The following PROS1 variants were observed in gnomAD, a reference collection of about 807,000 sequenced individuals.
The protein encoded by PROS1 is protein S.
A neutral mutation model predicts 75.9 loss-of-function variants in PROS1; 29 were observed. The ratio of observed to expected loss-of-function variants is 0.38; its 90% confidence interval spans 0.28 to 0.52. PROS1 has a LOEUF of 0.52. PROS1 is among the 20% of genes least tolerant of loss of function. The pLI is 0.83. For synonymous variants in PROS1, 245 were observed against 280.6 expected (o/e 0.87, Z 1.27); for missense variants, 680 against 810.3 (o/e 0.84, Z 1.95).
At chr3:93,930,884 T>G (rs1452867983) in intron 1 of PROS1, among the ~76,000 whole-genome samples, 1 of 152,212 alleles carries the variant, frequency 6.6e-6, no homozygotes. Context: ...GTTTATTGTC[T>G]GCTGCTTTTC....
intron 1 of PROS1, among the ~76,000 whole-genome samples, chr3:93,939,782 C>T (rs939919667): frequency 2.0e-5 from 3 of 151,946 alleles, no homozygotes; most frequent in African/African-American, 7.3e-5. Context: ...GGTCAGAAAG[C>T]CGTCTTATTC....
intron 6 of PROS1, among the ~76,000 whole-genome samples, chr3:93,904,040 C>T (rs1256722515): frequency 7.0e-6 from 1 of 143,322 alleles, no homozygotes; most frequent in Non-Finnish European, 1.5e-5. Context: ...TGTTCAATTC[C>T]CACCTATGAG....
intron 3 of PROS1, among the ~76,000 whole-genome samples, chr3:93,922,609 C>A (rs1708958917): frequency 6.6e-6 from 1 of 152,132 alleles, no homozygotes; most frequent in South Asian, 2.1e-4. Flanking sequence ...CTTTGGTGAC[C>A]TTATCTCACT....
At chr3:93,946,485 C>T (rs1001894431) in intron 1 of PROS1, among the ~76,000 whole-genome samples, 6 of 152,008 alleles carry the variant, frequency 3.9e-5, no homozygotes, top group Admixed American at 2.0e-4. Flanking sequence ...AGAACAGAAA[C>T]CTTAGAAATA....
At chr3:93,919,724 A>T (rs1315092703) in intron 3 of PROS1, among the ~76,000 whole-genome samples, 1 of 152,124 alleles carries the variant, frequency 6.6e-6, no homozygotes, top group Non-Finnish European at 1.5e-5. Flanking sequence ...GTTTTATTTT[A>T]ACATTTTTGT....
chr3:93,889,818 C>CAAATTGA (rs1708404501), intron 10 of PROS1, among the ~76,000 whole-genome samples: 1 of 152,068 alleles, frequency 6.6e-6, no homozygotes. Context: ...GTTAACTGTA[C>CAAATTGA]AAATTGATTG....
chr3:93,897,429 T>G (rs1708517632), intron 8 of PROS1, among the ~76,000 whole-genome samples: 1 of 152,112 alleles, frequency 6.6e-6, no homozygotes, highest in African/African-American at 2.4e-5. Flanking sequence ...AATAACATTT[T>G]ATTTCCCCTT....
rs1708147360 is a variant in PROS1 at position 93,874,091 on chromosome 3, T to A, written c.*154A>T. 2.0e-5 allele frequency: 17 copies of A among 851,448 alleles called. No individual in the cohort carries two copies. The highest frequency in any genetic ancestry group is 3.0e-5 in the Non-Finnish European group (17 of 560,868). 52.7% of individuals were successfully genotyped at this position (851,448 alleles called of 1,614,324 possible). A position where few individuals can be genotyped will look rare whatever the true frequency, so the allele number is the denominator to read the frequency against. On this transcript the variant is annotated 3_prime_UTR_variant, in exon 15 of 15. Transcript: ENST00000394236. ...TACTGTGATTTATATCACAACAGAA[T>A]TTTTTTCCTTGACAAAGGACCTTTT...
chr3:93,904,916 C>A (rs1400983187), intron 6 of PROS1, among the ~76,000 whole-genome samples: 1 of 151,884 alleles, frequency 6.6e-6, no homozygotes, highest in Non-Finnish European at 1.5e-5. Flanking sequence ...ATATTTAAGT[C>A]TGAAGAAGAA....
intron 3 of PROS1, among the ~76,000 whole-genome samples, chr3:93,921,295 T>G (rs1708940444): frequency 6.6e-6 from 1 of 152,248 alleles, no homozygotes; most frequent in African/African-American, 2.4e-5. Context: ...TAGAATTAAT[T>G]CAAAATCAAA....
intron 2 of PROS1, 64 bp downstream of exon 2, chr3:93,927,186 G>A (rs1192532016): frequency 1.3e-5 from 21 of 1,582,558 alleles, no homozygotes; most frequent in Middle Eastern, 4.5e-4. Context: ...GTACAGGCTG[G>A]AAATGTTCAG....
At chr3:93,954,033 T>C (rs1281634314) in intron 1 of PROS1, among the ~76,000 whole-genome samples, 1 of 152,168 alleles carries the variant, frequency 6.6e-6, no homozygotes, top group African/African-American at 2.4e-5. Context: ...GAAGGAGCTC[T>C]TCAAGGAGAA....
intron 1 of PROS1, among the ~76,000 whole-genome samples, chr3:93,933,880 G>A (rs551109379): frequency 1.1e-3 from 161 of 152,150 alleles, no homozygotes; most frequent in South Asian, 2.3e-3. Flanking sequence ...ACGGTGGTGC[G>A]TGCTTGTAAC....
At chr3:93,945,488 T>A (rs1329723628) in intron 1 of PROS1, among the ~76,000 whole-genome samples, 1 of 152,214 alleles carries the variant, frequency 6.6e-6, no homozygotes, top group Non-Finnish European at 1.5e-5. Flanking sequence ...ATCCCTGGAA[T>A]GGAAGGCTGG....
chr3:93,911,809 A>G (rs558369783), intron 3 of PROS1, among the ~76,000 whole-genome samples: 2 of 152,158 alleles, frequency 1.3e-5, no homozygotes, highest in Non-Finnish European at 2.9e-5. Context: ...AACTTCTATC[A>G]TATTCTGTTG....
intron 12 of PROS1, among the ~76,000 whole-genome samples, chr3:93,883,635 G>C (rs963763376): frequency 1.3e-5 from 2 of 151,182 alleles, no homozygotes; most frequent in African/African-American, 4.9e-5. Flanking sequence ...AGAAAAACTA[G>C]CTACCAAACC....
At chr3:93,949,595 C>A (rs1157574719) in intron 1 of PROS1, among the ~76,000 whole-genome samples, 1 of 151,528 alleles carries the variant, frequency 6.6e-6, no homozygotes, top group Non-Finnish European at 1.5e-5. Context: ...AGAAAATATA[C>A]AAATCTATAA....
At chr3:93,896,044 T>C (rs575303650) in intron 9 of PROS1, among the ~76,000 whole-genome samples, 1 of 152,254 alleles carries the variant, frequency 6.6e-6, no homozygotes, top group South Asian at 2.1e-4. Context: ...CTAAAAAACA[T>C]AAGCATTTAC....
At chr3:93,883,087 C>T (rs746349174) in intron 12 of PROS1, among the ~76,000 whole-genome samples, 5 of 152,152 alleles carry the variant, frequency 3.3e-5, no homozygotes, top group Admixed American at 2.0e-4. Flanking sequence ...TTCCACACTC[C>T]TGAGACCCAG....
Sources: allele counts gnomAD v4.1 joint callset (sites outside exome capture counted in the v4.1 genomes callset), GRCh38; gene constraint gnomAD v4.1.1; transcripts MANE v1.5; gene names NCBI Gene and HGNC (gene_info 2026-07-23, HGNC 2026-07-21).